Variants in GARIN5B observed in about 807,000 individuals in gnomAD.
The protein encoded by GARIN5B is Golgi-associated RAB2 interactor protein 5B.
the GARIN5B span, chr19:55,360,011 G>A: frequency 8.6e-6 from 13 of 1,512,470 alleles, no homozygotes; most frequent in Non-Finnish European, 1.1e-5. Context: ...AGGATACATG[G>A]TCAGGATGCA....
At chr19:55,355,847 G>T in the GARIN5B span, among the ~76,000 whole-genome samples, 7 of 151,764 alleles carry the variant, frequency 4.6e-5, no homozygotes, top group African/African-American at 1.5e-4. Context: ...TTAGCCAGGC[G>T]TGTTGGTGCG....
At chr19:55,359,535 C>T in the GARIN5B span, 12 of 1,551,230 alleles carry the variant, frequency 7.7e-6, no homozygotes, top group Non-Finnish European at 9.6e-6. Flanking sequence ...GGAGCTGACG[C>T]AGCTGGGGCC....
At chr19:55,356,928 A>G in the GARIN5B span, among the ~76,000 whole-genome samples, 3 of 152,060 alleles carry the variant, frequency 2.0e-5, no homozygotes, top group Non-Finnish European at 1.5e-5. Flanking sequence ...GTGAGCACCT[A>G]TAATCCCAGC....
At chr19:55,359,759 C>G in the GARIN5B span, 1 of 1,551,348 alleles carries the variant, frequency 6.4e-7, no homozygotes, top group East Asian at 2.4e-5. Context: ...TGTGGAGAGG[C>G]AGGCAGCCGG....
the GARIN5B span, chr19:55,358,605 C>T: frequency 3.2e-6 from 5 of 1,551,422 alleles, no homozygotes; most frequent in Non-Finnish European, 4.4e-6. Flanking sequence ...TGCTCTCTGA[C>T]CACCACTGGC....
At chr19:55,361,298 C>A in the GARIN5B span, 2 of 1,543,746 alleles carry the variant, frequency 1.3e-6, no homozygotes, top group Non-Finnish European at 8.8e-7. Context: ...AGGACCTACC[C>A]CAGGAGCTTG....
the GARIN5B span, chr19:55,362,645 A>G: frequency 6.5e-7 from 1 of 1,547,604 alleles, no homozygotes; most frequent in Non-Finnish European, 8.7e-7. Context: ...ATGTCAGGCA[A>G]CACCAGGCCT....
chr19:55,363,142 G>A, the GARIN5B span: 5 of 1,380,836 alleles, frequency 3.6e-6, no homozygotes, highest in South Asian at 6.8e-5. The surrounding 1 kb of genome is among the most constrained non-coding windows in gnomAD (Gnocchi z 4.0). Flanking sequence ...CGGCCCACCA[G>A]CCTTGACCCG....
the GARIN5B span, chr19:55,362,958 G>A: frequency 2.6e-5 from 39 of 1,501,208 alleles, 2 homozygotes; most frequent in Admixed American, 9.8e-4. Flanking sequence ...GGACGGAGGG[G>A]CAGGTACTCG....
At chr19:55,359,531 G>A in the GARIN5B span, 2 of 1,551,214 alleles carry the variant, frequency 1.3e-6, no homozygotes, top group African/African-American at 2.7e-5. Context: ...GGGAGGAGCT[G>A]ACGCAGCTGG....
the GARIN5B span, chr19:55,358,200 C>T: frequency 5.2e-6 from 8 of 1,543,370 alleles, no homozygotes; most frequent in Non-Finnish European, 7.0e-6. Flanking sequence ...GCCTTGGTGG[C>T]CGTGTTCCTC....
chr19:55,359,672 C>A, the GARIN5B span: 1 of 1,551,592 alleles, frequency 6.4e-7, no homozygotes, highest in Non-Finnish European at 8.7e-7. Flanking sequence ...GGCCTTCTGG[C>A]AGGGTGGTGG....
At chr19:55,358,668 T>A in the GARIN5B span, 21 of 1,551,460 alleles carry the variant, frequency 1.4e-5, no homozygotes, top group African/African-American at 2.7e-4. Context: ...GAAGCCATCA[T>A]TGACGTGGCC....
the GARIN5B span, among the ~76,000 whole-genome samples, chr19:55,357,284 C>T: frequency 6.6e-6 from 1 of 152,184 alleles, no homozygotes; most frequent in African/African-American, 2.4e-5. Context: ...CCTCTTCACA[C>T]ATAAATCCGT....
the GARIN5B span, chr19:55,358,857 T>G: frequency 6.5e-7 from 1 of 1,547,460 alleles, no homozygotes; most frequent in African/African-American, 1.4e-5. Context: ...TTGACCCATC[T>G]CTTCCGCTGC....
chr19:55,355,262 G>A, the GARIN5B span: 2 of 1,536,000 alleles, frequency 1.3e-6, no homozygotes, highest in Non-Finnish European at 1.8e-6. Context: ...AAGGGTACCT[G>A]GCAGCGCTGG....
chr19:55,358,005 G>C, the GARIN5B span: 1 of 976,040 alleles, frequency 1.0e-6, no homozygotes, highest in Non-Finnish European at 1.4e-6. Flanking sequence ...AGTGAGCCAA[G>C]ATCATACCAC....
chr19:55,361,345 G>A, the GARIN5B span: 2 of 1,540,952 alleles, frequency 1.3e-6, no homozygotes, highest in Non-Finnish European at 1.8e-6. Context: ...AGAGCCAAAG[G>A]GTGCAGCTCT....
the GARIN5B span, among the ~76,000 whole-genome samples, chr19:55,355,591 AGGT>A: frequency 1.4e-4 from 22 of 152,298 alleles, no homozygotes; most frequent in East Asian, 4.3e-3. Flanking sequence ...GAATCTGGGC[AGGT>A]GGTTTCACCT....
Sources: allele counts gnomAD v4.1 joint callset (sites outside exome capture counted in the v4.1 genomes callset), GRCh38; gene constraint gnomAD v4.1.1; non-coding constraint Gnocchi (gnomAD v3.1); transcripts MANE v1.5; gene names NCBI Gene and HGNC (gene_info 2026-07-23, HGNC 2026-07-21).